Variants in ZMAT4 observed in about 807,000 individuals in gnomAD.
ZMAT4 encodes zinc finger matrin-type 4.
ZMAT4 carries 17 observed loss-of-function variants against 28.7 expected under a neutral mutation model. The ratio of observed to expected loss-of-function variants is 0.59; its 90% CI spans 0.41 to 0.89. The LOEUF is 0.89. ZMAT4 is among the 40% of genes least tolerant of loss of function. The pLI is 0.00. For missense variants in ZMAT4, 240 were observed against 283.8 expected, an observed-to-expected ratio of 0.85 and a Z score of 1.11; for synonymous variants, 117 against 109.2, an observed-to-expected ratio of 1.07 and a Z score of -0.44.
intron 5 of ZMAT4, among the ~76,000 whole-genome samples, chr8:40,622,002 C>T (rs1806218739): frequency 6.6e-6 from 1 of 152,184 alleles, no homozygotes. Flanking sequence ...TAAAAATAGG[C>T]ATTCCATTTC....
At chr8:40,667,771 G>T (rs1808484712) in intron 5 of ZMAT4, among the ~76,000 whole-genome samples, 1 of 150,736 alleles carries the variant, frequency 6.6e-6, no homozygotes, top group Non-Finnish European at 1.5e-5. Context: ...ATTATGGATG[G>T]AGATCTTCAG....
intron 5 of ZMAT4, among the ~76,000 whole-genome samples, chr8:40,621,357 A>G (rs951142495): frequency 2.6e-5 from 4 of 152,232 alleles, no homozygotes; most frequent in African/African-American, 4.8e-5. Flanking sequence ...GTCTGAAGAC[A>G]ATCCCCAACT....
At chr8:40,536,891 G>A (rs544613203) in intron 6 of ZMAT4, among the ~76,000 whole-genome samples, 18 of 147,140 alleles carry the variant, frequency 1.2e-4, no homozygotes, top group South Asian at 6.7e-4. Context: ...TCAGCGGGAT[G>A]AGGGGGTTTG....
At chr8:40,617,812 C>T (rs1377811691) in intron 5 of ZMAT4, among the ~76,000 whole-genome samples, 1 of 152,184 alleles carries the variant, frequency 6.6e-6, no homozygotes, top group Non-Finnish European at 1.5e-5. Context: ...GTACAATAAA[C>T]TGTGCCCACA....
intron 1 of ZMAT4, among the ~76,000 whole-genome samples, chr8:40,827,753 G>A (rs918620626): frequency 6.6e-6 from 1 of 152,200 alleles, no homozygotes. Flanking sequence ...GGCCCAATTG[G>A]CCTGGAGTCT....
At position 40,561,211 on chromosome 8, in the gene ZMAT4, A is replaced by G. The variant is rs115980970; in HGVS notation, c.674+19954T>C. On this transcript the variant is annotated intron_variant, in intron 6 of 6. Coordinates refer to ENST00000297737, the MANE Select transcript of ZMAT4 (RefSeq NM_024645.3). The stretch of plus-strand genomic sequence containing the variant: ...AAAAATGGAAACATCTTAAGTTACT[A>G]TATCTTTAATTTTTTTTTTCAAAGA... Among the ~76,000 whole-genome samples the G allele has an allele frequency of 8.1e-3, 1,229 of 152,130 alleles. 19 individuals are homozygous for G. The highest frequency in any genetic ancestry group is 0.028 in the African/African-American group (1,170 of 41,500).
chr8:40,782,398 C>CAAAA (rs56005552), intron 2 of ZMAT4, among the ~76,000 whole-genome samples: 24,551 of 151,304 alleles, frequency 0.16, 2,527 homozygotes, highest in Middle Eastern at 0.25. Context: ...AACAAGCAAA[C>CAAAA]AAACAAACAA....
intron 4 of ZMAT4, among the ~76,000 whole-genome samples, chr8:40,689,017 G>A (rs529502469): frequency 6.6e-6 from 1 of 152,328 alleles, no homozygotes; most frequent in East Asian, 1.9e-4. Context: ...GGAAAAAAGG[G>A]AGTTGTAACT....
At chr8:40,696,478 C>A (rs1203856719) in intron 4 of ZMAT4, among the ~76,000 whole-genome samples, 1 of 152,146 alleles carries the variant, frequency 6.6e-6, no homozygotes, top group Non-Finnish European at 1.5e-5. Context: ...GGATTCTAAC[C>A]TGTTTGGTCA....
chr8:40,892,130 G>A (rs1371656943), intron 1 of ZMAT4, among the ~76,000 whole-genome samples: 1 of 152,122 alleles, frequency 6.6e-6, no homozygotes, highest in African/African-American at 2.4e-5. Context: ...GTTTCATCCC[G>A]TTCCGTAAGG....
intron 5 of ZMAT4, among the ~76,000 whole-genome samples, chr8:40,644,511 T>C (rs1431545464): frequency 2.0e-5 from 3 of 152,118 alleles, no homozygotes; most frequent in Non-Finnish European, 4.4e-5. Flanking sequence ...ATAATCACAG[T>C]AGAATTAGAT....
In ZMAT4 at chr8:40,603,832, G is replaced by A. The variant is rs910466134; in HGVS notation, c.578-22571C>T. On this transcript the variant is annotated intron_variant, in intron 5 of 6. Transcript: ENST00000297737. ...TTTTTAGTAGAGATGGGGTTTTACTGTGTTAGCCAGGATGGTCTCAATCTC... is the reference window on the plus strand; with the variant it reads ...TTTTTAGTAGAGATGGGGTTTTACTATGTTAGCCAGGATGGTCTCAATCTC... Among the ~76,000 whole-genome samples, 13 of 152,086 alleles carry A rather than the reference G, an allele frequency of 8.5e-5. 1 individual carries two copies. The highest frequency in any genetic ancestry group is 6.2e-4 in the South Asian group (3 of 4,808).
intron 2 of ZMAT4, among the ~76,000 whole-genome samples, chr8:40,825,131 T>C (rs1191067132): frequency 1.3e-5 from 2 of 152,110 alleles, no homozygotes; most frequent in Admixed American, 6.5e-5. Context: ...AGGGAGGAAG[T>C]GGCCCACGGC....
chr8:40,535,693 T>C (rs761790251), intron 6 of ZMAT4, among the ~76,000 whole-genome samples: 26 of 150,998 alleles, frequency 1.7e-4, no homozygotes, highest in Non-Finnish European at 2.9e-4. Flanking sequence ...TGACCAGATA[T>C]GTACACAATC....
chr8:40,632,691 C>G (rs1329295318), intron 5 of ZMAT4, among the ~76,000 whole-genome samples: 1 of 152,182 alleles, frequency 6.6e-6, no homozygotes, highest in African/African-American at 2.4e-5. Context: ...GAGCACAGCC[C>G]TGCCAACACC....
chr8:40,882,285 T>A (rs1203633200), intron 1 of ZMAT4, among the ~76,000 whole-genome samples: 2 of 152,136 alleles, frequency 1.3e-5, no homozygotes, highest in South Asian at 4.1e-4. Context: ...GAATTTTGGG[T>A]TCCCTTTAAA....
At chr8:40,532,364 C>G in intron 6 of ZMAT4, 126 bp from the exon 7 acceptor site, 1 of 681,902 alleles carries the variant, frequency 1.5e-6, no homozygotes, top group Non-Finnish European at 2.2e-6. Flanking sequence ...AATTCAAATG[C>G]ATCTGAATTT....
intron 2 of ZMAT4, among the ~76,000 whole-genome samples, chr8:40,804,764 C>T (rs1815003117): frequency 1.3e-5 from 2 of 151,930 alleles, no homozygotes; most frequent in African/African-American, 4.8e-5. Context: ...TTGCTTGAAC[C>T]CGGGAGGTGG....
chr8:40,896,549 C>G (rs1445280200), intron 1 of ZMAT4, among the ~76,000 whole-genome samples: 1 of 152,212 alleles, frequency 6.6e-6, no homozygotes, highest in African/African-American at 2.4e-5. Flanking sequence ...CCTGCTTCCC[C>G]ATGGGTCCCT....
Sources: allele counts gnomAD v4.1 joint callset (sites outside exome capture counted in the v4.1 genomes callset), GRCh38; gene constraint gnomAD v4.1.1; transcripts MANE v1.5; gene names NCBI Gene and HGNC (gene_info 2026-07-23, HGNC 2026-07-21).